The following HS6ST1 variants were observed in gnomAD, a reference collection of about 807,000 sequenced individuals.
The protein encoded by HS6ST1 is heparan-sulfate 6-O-sulfotransferase 1.
Under a neutral mutation model 25.2 loss-of-function variants are expected in HS6ST1, and 3 were observed. The ratio of observed to expected loss-of-function variants is 0.12; its 90% CI spans 0.05 to 0.31. The LOEUF (loss-of-function observed/expected upper bound fraction) is 0.31. Among genes scored for constraint, HS6ST1 ranks in the 10% least tolerant of loss-of-function variants. The probability of loss-of-function intolerance (pLI) is 1.00; values close to 1 mark genes in which losing one functional copy is unlikely to be tolerated. For missense variants in HS6ST1, 310 were observed against 609.6 expected (o/e 0.51, Z 5.18); for synonymous variants, 204 against 275.1 (o/e 0.74, Z 2.56).
At chr2:128,288,192 G>A (rs373402674) in intron 1 of HS6ST1, among the ~76,000 whole-genome samples, 1 of 152,188 alleles carries the variant, frequency 6.6e-6, no homozygotes, top group Non-Finnish European at 1.5e-5. Flanking sequence ...AGGCTATTGC[G>A]AGGACTCACG....
intron 1 of HS6ST1, among the ~76,000 whole-genome samples, chr2:128,310,441 G>A (rs574612061): frequency 1.2e-4 from 18 of 152,328 alleles, no homozygotes; most frequent in African/African-American, 2.9e-4. Context: ...GAGGCACCGC[G>A]GCAGCAGAAG....
intron 1 of HS6ST1, among the ~76,000 whole-genome samples, chr2:128,282,671 A>AAGG (rs1195496178): frequency 1.4e-4 from 21 of 151,852 alleles, no homozygotes; most frequent in Admixed American, 4.6e-4. Flanking sequence ...CTTGAGCCCC[A>AAGG]CCTCTGTGCC....
intron 1 of HS6ST1, among the ~76,000 whole-genome samples, chr2:128,285,805 TG>T (rs1693852383): frequency 1.3e-5 from 2 of 152,314 alleles, no homozygotes; most frequent in Non-Finnish European, 1.5e-5. Flanking sequence ...TCTCCACTGA[TG>T]GGTGGTACTG....
At chr2:128,278,844 T>A (rs1008834425) in intron 1 of HS6ST1, among the ~76,000 whole-genome samples, 4 of 152,358 alleles carry the variant, frequency 2.6e-5, no homozygotes, top group Admixed American at 2.6e-4. Context: ...TTCAACATTT[T>A]ACTATAAAAA....
chr2:128,286,283 G>C (rs1231085629), intron 1 of HS6ST1, among the ~76,000 whole-genome samples: 1 of 152,250 alleles, frequency 6.6e-6, no homozygotes. Flanking sequence ...TCGTGGCCGA[G>C]GTCTGCGGGC....
At chr2:128,278,613 G>C (rs1693732375) in intron 1 of HS6ST1, among the ~76,000 whole-genome samples, 1 of 152,176 alleles carries the variant, frequency 6.6e-6, no homozygotes, top group African/African-American at 2.4e-5. Flanking sequence ...GGCTCACGGA[G>C]GGGGAGCTGA....
chr2:128,287,738 C>T (rs76405473), intron 1 of HS6ST1, among the ~76,000 whole-genome samples: 2,937 of 152,334 alleles, frequency 0.019, 27 homozygotes, highest in Non-Finnish European at 0.031. Context: ...ATGCTGCTGA[C>T]TGGACACCTG....
At chr2:128,280,702 T>A (rs1389993681) in intron 1 of HS6ST1, among the ~76,000 whole-genome samples, 1 of 152,148 alleles carries the variant, frequency 6.6e-6, no homozygotes, top group African/African-American at 2.4e-5. Flanking sequence ...CAGATTTTTT[T>A]TTTTTCATTA....
At chr2:128,289,643 C>T (rs983336954) in intron 1 of HS6ST1, 1 of 152,224 alleles carries the variant, frequency 6.6e-6, no homozygotes, top group Non-Finnish European at 1.5e-5. Flanking sequence ...GTGGCCCTGA[C>T]GAGTTCCCCA....
chr2:128,297,946 A>G (rs575130449), intron 1 of HS6ST1, among the ~76,000 whole-genome samples: 3 of 152,344 alleles, frequency 2.0e-5, no homozygotes, highest in East Asian at 3.9e-4. Context: ...CATATATCTG[A>G]TAAGAGATTA....
chr2:128,284,612 T>C (rs1451490915), intron 1 of HS6ST1, among the ~76,000 whole-genome samples: 1 of 151,526 alleles, frequency 6.6e-6, no homozygotes, highest in Non-Finnish European at 1.5e-5. Context: ...GCAATTCTCC[T>C]GCTTCAGCCT....
In HS6ST1 at chr2:128,267,745, G is replaced by A. The variant is rs571127751; in HGVS notation, c.*417C>T. On this transcript the variant is annotated 3_prime_UTR_variant, in exon 2 of 2. Coordinates refer to ENST00000259241, the MANE Select transcript of HS6ST1 (RefSeq NM_004807.3). ...AAGCTGGTCTCACTCCTAGTAGCCCGGACAGAGGAGCTAAGAGCGAGTGCT... is the reference window on the plus strand; with the variant it reads ...AAGCTGGTCTCACTCCTAGTAGCCCAGACAGAGGAGCTAAGAGCGAGTGCT... 71 of 232,974 alleles carry A rather than the reference G, an allele frequency of 3.0e-4. No individual in the cohort carries two copies. The highest frequency in any genetic ancestry group is 1.6e-3 in the Middle Eastern group (1 of 626). The allele number at this position is 232,974 out of a possible 1,614,324, so 14.4% of individuals were successfully genotyped here.
chr2:128,300,093 A>C (rs915794603), intron 1 of HS6ST1, among the ~76,000 whole-genome samples: 3 of 152,148 alleles, frequency 2.0e-5, no homozygotes, highest in Non-Finnish European at 2.9e-5. Flanking sequence ...CACCAAACCA[A>C]GGACCCCAGC....
intron 1 of HS6ST1, among the ~76,000 whole-genome samples, chr2:128,272,915 A>T (rs1693632456): frequency 6.6e-6 from 1 of 152,064 alleles, no homozygotes; most frequent in South Asian, 2.1e-4. Context: ...CCTTCTGTGC[A>T]CAGGAGGTCT....
intron 1 of HS6ST1, among the ~76,000 whole-genome samples, chr2:128,305,702 A>G (rs1694198766): frequency 6.6e-6 from 1 of 152,180 alleles, no homozygotes; most frequent in African/African-American, 2.4e-5. Context: ...CTCCCCCGGG[A>G]GACCATCTGC....
At chr2:128,273,025 C>T (rs1693634672) in intron 1 of HS6ST1, among the ~76,000 whole-genome samples, 1 of 152,244 alleles carries the variant, frequency 6.6e-6, no homozygotes, top group African/African-American at 2.4e-5. Flanking sequence ...CCTCACCTGT[C>T]CTTCCTGCGC....
At chr2:128,300,341 G>A (rs751338000) in intron 1 of HS6ST1, among the ~76,000 whole-genome samples, 46 of 152,114 alleles carry the variant, frequency 3.0e-4, no homozygotes, top group Non-Finnish European at 5.7e-4. Context: ...CTGGAGAAGA[G>A]GGGGGGACCA....
intron 1 of HS6ST1, among the ~76,000 whole-genome samples, chr2:128,313,872 G>A (rs1332599899): frequency 1.3e-5 from 2 of 150,772 alleles, no homozygotes; most frequent in Non-Finnish European, 2.9e-5. Flanking sequence ...GATCCCCCAA[G>A]CTAGAGGACC....
chr2:128,278,331 C>T (rs1017394660), intron 1 of HS6ST1, among the ~76,000 whole-genome samples: 3 of 152,206 alleles, frequency 2.0e-5, no homozygotes, highest in African/African-American at 4.8e-5. Context: ...CTCTGCCTTC[C>T]GGAAGCTCAG....
Sources: gnomAD v4.1 joint callset for allele counts (sites outside exome capture counted in the v4.1 genomes callset) on GRCh38, gnomAD v4.1.1 for gene constraint, MANE v1.5 for transcripts, NCBI Gene and HGNC (gene_info 2026-07-23, HGNC 2026-07-21) for gene names.